ATG7: variants seen among roughly 807,000 people sequenced by gnomAD.
ATG7 encodes ubiquitin-like modifier-activating enzyme ATG7.
A neutral mutation model predicts 82.4 loss-of-function variants in ATG7; 70 were observed. The ratio of observed to expected loss-of-function variants is 0.85; its 90% CI spans 0.70 to 1.04. The LOEUF (loss-of-function observed/expected upper bound fraction) is 1.04. Ranked by LOEUF, ATG7 falls within the 50% of genes least tolerant of loss-of-function variation. ATG7 has a pLI of 0.00. For missense variants in ATG7, 792 were observed against 864.3 expected, an observed-to-expected ratio of 0.92 and a Z score of 1.05; for synonymous variants, 287 against 313.0, an observed-to-expected ratio of 0.92 and a Z score of 0.88.
chr3:11,525,448 ATT>A (rs11310291), intron 20 of ATG7, among the ~76,000 whole-genome samples: 8,162 of 121,126 alleles, frequency 0.067, 293 homozygotes, highest in African/African-American at 0.094. Context: ...AAGACATGTG[ATT>A]TTTTTTTTTT....
At chr3:11,532,480 T>C (rs2092711645) in intron 20 of ATG7, among the ~76,000 whole-genome samples, 1 of 152,124 alleles carries the variant, frequency 6.6e-6, no homozygotes, top group South Asian at 2.1e-4. Flanking sequence ...CCCAGTGCTT[T>C]GGGAGGCCAA....
At chr3:11,441,670 A>ATTTTTTTTTTTTTTTTTTTTT (rs35365064) in intron 20 of ATG7, among the ~76,000 whole-genome samples, 1 of 110,254 alleles carries the variant, frequency 9.1e-6, no homozygotes, top group African/African-American at 3.5e-5. Flanking sequence ...TTTTTTTTTA[A>ATTTTTTTTTTTTTTTTTTTTT]TTTTTTTTTT....
At chr3:11,484,616 T>C (rs2089413728) in intron 20 of ATG7, among the ~76,000 whole-genome samples, 1 of 152,168 alleles carries the variant, frequency 6.6e-6, no homozygotes, top group African/African-American at 2.4e-5. Context: ...TAGTTACATA[T>C]GTATACATGT....
intron 10 of ATG7, 134 bp from the exon 11 acceptor site, chr3:11,332,838 T>G (rs751529424): frequency 3.1e-4 from 282 of 898,876 alleles, no homozygotes; most frequent in Non-Finnish European, 3.9e-4. Context: ...CCATCTCCTG[T>G]GGGTATCAGA....
chr3:11,440,086 C>A (rs998523891), intron 20 of ATG7, among the ~76,000 whole-genome samples: 6 of 152,174 alleles, frequency 3.9e-5, no homozygotes, highest in Admixed American at 2.6e-4. Flanking sequence ...TCATATTGAG[C>A]AGTTTCCAAA....
rs563520560 is a variant in ATG7 at position 11,425,018 on chromosome 3, A to G, written c.1957-1786A>G. On this transcript the variant is annotated intron_variant, in intron 19 of 20. Coordinates refer to ENST00000693202, the MANE Select transcript of ATG7 (RefSeq NM_001349232.2). ...GACTCTGTCACCCAGGTTGGAGTGC[A>G]GTGGTGTGATCATAACTAGTTGCAG... 1.2e-4 allele frequency among the ~76,000 whole-genome samples: 18 copies of G among 152,128 alleles called. No homozygotes were observed. In the South Asian group the frequency reaches 3.5e-3, roughly 30 times the overall value.
chr3:11,427,547 G>A (rs1194326833), intron 20 of ATG7, among the ~76,000 whole-genome samples: 1 of 151,176 alleles, frequency 6.6e-6, no homozygotes, highest in Non-Finnish European at 1.5e-5. Context: ...GCCGGGCGAG[G>A]TGGCTCATGC....
intron 20 of ATG7, among the ~76,000 whole-genome samples, chr3:11,448,516 C>T (rs190114158): frequency 7.9e-5 from 12 of 152,322 alleles, no homozygotes; most frequent in Non-Finnish European, 1.5e-4. Context: ...AACTTACTTG[C>T]CGTGCTGAAA....
At chr3:11,568,967 G>C in the ATG7 span, 4 of 1,179,132 alleles carry the variant, frequency 3.4e-6, no homozygotes, top group Non-Finnish European at 3.2e-6. The surrounding 1 kb of genome is among the most constrained non-coding windows in gnomAD (Gnocchi z 5.9). Flanking sequence ...GAAAGAGGAG[G>C]GAGGGAAAGA....
At chr3:11,503,475 C>A (rs1360805034) in intron 20 of ATG7, among the ~76,000 whole-genome samples, 1 of 151,792 alleles carries the variant, frequency 6.6e-6, no homozygotes, top group Non-Finnish European at 1.5e-5. Flanking sequence ...AAAGGATATT[C>A]AGGCCGGGCG....
intron 20 of ATG7, among the ~76,000 whole-genome samples, chr3:11,451,454 A>C (rs951382537): frequency 2.6e-5 from 4 of 151,986 alleles, no homozygotes; most frequent in Non-Finnish European, 4.4e-5. Flanking sequence ...CAAGTGATCC[A>C]CCCGACTTGG....
intron 18 of ATG7, among the ~76,000 whole-genome samples, chr3:11,367,789 A>G (rs557947279): frequency 3.3e-5 from 5 of 149,862 alleles, no homozygotes; most frequent in Admixed American, 6.7e-5. Flanking sequence ...TCTCTGGCCC[A>G]ATGTACGTGG....
chr3:11,418,950 G>A (rs749199892), intron 19 of ATG7, among the ~76,000 whole-genome samples: 2 of 152,128 alleles, frequency 1.3e-5, no homozygotes, highest in Non-Finnish European at 2.9e-5. Context: ...CGCAAGAACA[G>A]CATGGGAAAC....
At chr3:11,494,012 A>G (rs1210949282) in intron 20 of ATG7, among the ~76,000 whole-genome samples, 2 of 152,200 alleles carry the variant, frequency 1.3e-5, no homozygotes, top group Non-Finnish European at 1.5e-5. Flanking sequence ...AGAGACACCA[A>G]TATCCCATCC....
intron 20 of ATG7, among the ~76,000 whole-genome samples, chr3:11,504,713 A>G (rs2091583331): frequency 6.6e-6 from 1 of 152,260 alleles, no homozygotes; most frequent in Non-Finnish European, 1.5e-5. Flanking sequence ...GACAAAGTAG[A>G]ACAACAGAAA....
intron 20 of ATG7, among the ~76,000 whole-genome samples, chr3:11,439,440 C>T (rs2083676147): frequency 6.6e-6 from 1 of 152,076 alleles, no homozygotes; most frequent in East Asian, 1.9e-4. Flanking sequence ...TGTGAAATAT[C>T]CTAAGGTGTG....
intron 19 of ATG7, among the ~76,000 whole-genome samples, chr3:11,387,786 C>T (rs908197014): frequency 1.3e-4 from 20 of 151,818 alleles, no homozygotes; most frequent in Non-Finnish European, 2.1e-4. Flanking sequence ...CTGGCTAACA[C>T]GGTGAAACAC....
Position 11,332,958 on chromosome 3 carries a change from G to A in ATG7, c.768-14G>A, listed in dbSNP as rs374312287. The stretch of plus-strand genomic sequence containing the variant: ...AAAAATAATAAATAAATAAAAATCC[G>A]GGCATGACAACAGGAGTAGCAGTTT... On this transcript the variant is annotated splice_polypyrimidine_tract_variant and intron_variant, in intron 10 of 20. Coordinates refer to ENST00000693202, the MANE Select transcript of ATG7 (RefSeq NM_001349232.2). The A allele has an allele frequency of 5.5e-5, 80 of 1,451,646 alleles. No homozygotes were observed. The highest frequency in any genetic ancestry group is 8.2e-5 in the Admixed American group (3 of 36,572). The allele number at this position is 1,451,646 out of a possible 1,614,324, so 89.9% of individuals were successfully genotyped here. A position where few individuals can be genotyped will look rare whatever the true frequency, so the allele number is the denominator to read the frequency against.
chr3:11,427,027 G>A (rs2082418859), intron 20 of ATG7, 101 bp downstream of exon 20: 1 of 1,383,548 alleles, frequency 7.2e-7, no homozygotes, highest in Non-Finnish European at 9.6e-7. Context: ...TTTAATTTTT[G>A]TAACTTAGAG....
Sources: allele counts gnomAD v4.1 joint callset (sites outside exome capture counted in the v4.1 genomes callset), GRCh38; gene constraint gnomAD v4.1.1; non-coding constraint Gnocchi (gnomAD v3.1); transcripts MANE v1.5; gene names NCBI Gene and HGNC (gene_info 2026-07-23, HGNC 2026-07-21).